The following EEPD1 variants were observed in gnomAD, a reference collection of about 807,000 sequenced individuals.
The protein encoded by EEPD1 is endonuclease/exonuclease/phosphatase family domain-containing protein 1.
In EEPD1, 17 loss-of-function variants were observed where a neutral mutation model predicts 46.3. The observed-to-expected ratio is 0.37, with a 90% CI of 0.25 to 0.55. The LOEUF (loss-of-function observed/expected upper bound fraction) is 0.55. EEPD1 is among the 20% of genes least tolerant of loss of function. The pLI is 0.83. For synonymous variants in EEPD1, 313 were observed against 315.6 expected, an observed-to-expected ratio of 0.99 and a Z score of 0.09; for missense variants, 673 against 745.6, an observed-to-expected ratio of 0.90 and a Z score of 1.13.
chr7:36,266,738 C>G (rs1382377785), intron 3 of EEPD1, among the ~76,000 whole-genome samples: 2 of 152,164 alleles, frequency 1.3e-5, no homozygotes, highest in Non-Finnish European at 2.9e-5. Context: ...CTCCCCCTTC[C>G]CCTCTTGCCC....
rs78049819 is a variant in EEPD1 at position 36,158,902 on chromosome 7, A to G, written c.878+3700A>G. ...AGCTGAAAGATAATCTCCAAAAGAA[A>G]TAAGAAGATTTAACATCCCACTTGC... On this transcript the variant is annotated intron_variant, in intron 2 of 7. Transcript: ENST00000242108. Among the ~76,000 whole-genome samples, 1,361 of 152,356 alleles carry G rather than the reference A, an allele frequency of 8.9e-3. 20 individuals are homozygous for G. The highest frequency in any genetic ancestry group is 0.031 in the African/African-American group (1,274 of 41,580).
At chr7:36,295,697 C>G (rs1431533421) in intron 6 of EEPD1, among the ~76,000 whole-genome samples, 1 of 152,180 alleles carries the variant, frequency 6.6e-6, no homozygotes, top group East Asian at 1.9e-4. Flanking sequence ...AGAGCCTTAA[C>G]AATGGCCATA....
chr7:36,162,373 C>T (rs1422247530), intron 2 of EEPD1, among the ~76,000 whole-genome samples: 1 of 152,194 alleles, frequency 6.6e-6, no homozygotes, highest in Non-Finnish European at 1.5e-5. Flanking sequence ...TGGCTGGGCA[C>T]GGTGGCTCAC....
At position 36,284,796 on chromosome 7, in the gene EEPD1, C is replaced by T. The variant is rs1787319018; in HGVS notation, c.1152C>T (p.Pro384=). The T allele has an allele frequency of 1.9e-6, 3 of 1,564,620 alleles. No individual in the cohort carries two copies. Among genetic ancestry groups the T allele is most frequent in the Non-Finnish European group, 2.6e-6 (3 of 1,154,184 alleles). ...PSNGHGKLAG[P]SPYLGRFKVG... Reference sequence around the variant, plus strand: ...ACGGGCACGGGAAGCTGGCGGGCCCCAGCCCATACCTCGGGAGGTTCAAGG... The same window carrying T: ...ACGGGCACGGGAAGCTGGCGGGCCCTAGCCCATACCTCGGGAGGTTCAAGG... The change falls in exon 5 of 8, where the codon CCC becomes CCT. Residue 384 remains proline (P), a synonymous_variant. Transcript: ENST00000242108.
chr7:36,160,529 C>CG (rs1201445386), intron 2 of EEPD1, among the ~76,000 whole-genome samples: 2 of 125,862 alleles, frequency 1.6e-5, no homozygotes, highest in Non-Finnish European at 3.4e-5. Context: ...TCTAGAGTGG[C>CG]GGGTGGGTGG....
chr7:36,155,029 AG>A lies in EEPD1; in HGVS notation c.711del (p.Thr239ProfsTer23). 2.5e-6 allele frequency: 4 copies of A among 1,604,546 alleles called. No homozygotes were observed. The highest frequency in any genetic ancestry group is 2.6e-6 in the Non-Finnish European group (3 of 1,173,740). On this transcript the variant is annotated frameshift_variant, in exon 2 of 8. Coordinates refer to ENST00000242108, the MANE Select transcript of EEPD1 (RefSeq NM_030636.3). LOFTEE classifies it high-confidence loss of function. ...LQSEDLDLPP[G>X]GPTQIISTRP... is the part of the protein sequence containing the mutation. ...AGAGTGAGGACCTGGACCTGCCGCC[AG>A]GGGGGCCCACCCAGATTATCTCCAC...
At chr7:36,224,086 T>G (rs1205829193) in intron 2 of EEPD1, among the ~76,000 whole-genome samples, 1 of 152,252 alleles carries the variant, frequency 6.6e-6, no homozygotes, top group African/African-American at 2.4e-5. Flanking sequence ...TAATGGACTT[T>G]CCTGTGGAGC....
At chr7:36,266,806 T>C (rs1295328520) in intron 3 of EEPD1, among the ~76,000 whole-genome samples, 1 of 152,226 alleles carries the variant, frequency 6.6e-6, no homozygotes, top group African/African-American at 2.4e-5. Context: ...CTACTCTGGA[T>C]GTCTTGTGCA....
At chr7:36,196,587 T>A (rs1295126092) in intron 2 of EEPD1, among the ~76,000 whole-genome samples, 1 of 152,226 alleles carries the variant, frequency 6.6e-6, no homozygotes, top group East Asian at 1.9e-4. Context: ...GGTTTTCCTG[T>A]TTCTTTGGTG....
intron 2 of EEPD1, among the ~76,000 whole-genome samples, chr7:36,205,913 C>A (rs190320012): frequency 6.6e-6 from 1 of 152,224 alleles, no homozygotes; most frequent in East Asian, 1.9e-4. Context: ...GGGGCACTGA[C>A]CTAAATAAGG....
chr7:36,275,990 T>G (rs1015587383), intron 3 of EEPD1, among the ~76,000 whole-genome samples: 5 of 152,224 alleles, frequency 3.3e-5, no homozygotes, highest in African/African-American at 1.2e-4. Context: ...CTTTTAGGAC[T>G]TGGCATTTCT....
chr7:36,195,558 C>T (rs1290095565), intron 2 of EEPD1, among the ~76,000 whole-genome samples: 2 of 152,182 alleles, frequency 1.3e-5, no homozygotes, highest in East Asian at 3.9e-4. Context: ...CTTATAGAAG[C>T]AGAGAGTAGA....
At chr7:36,289,714 T>C (rs1424737566) in intron 6 of EEPD1, among the ~76,000 whole-genome samples, 1 of 152,212 alleles carries the variant, frequency 6.6e-6, no homozygotes, top group Non-Finnish European at 1.5e-5. Flanking sequence ...CAGGATGGTC[T>C]CAATCTCCTG....
chr7:36,186,046 T>G (rs1785355717), intron 2 of EEPD1, among the ~76,000 whole-genome samples: 1 of 152,234 alleles, frequency 6.6e-6, no homozygotes, highest in African/African-American at 2.4e-5. Flanking sequence ...TTATATTTCT[T>G]TCACGTGGTA....
chr7:36,287,467 G>A, intron 5 of EEPD1, 172 bp from the exon 6 acceptor site: 1 of 1,005,498 alleles, frequency 9.9e-7, no homozygotes, highest in Non-Finnish European at 1.4e-6. Flanking sequence ...CAGGTGCCTT[G>A]GAAAAATCGA....
At chr7:36,157,207 T>G (rs1186996382) in intron 2 of EEPD1, among the ~76,000 whole-genome samples, 3 of 152,242 alleles carry the variant, frequency 2.0e-5, no homozygotes, top group Admixed American at 6.5e-5. Context: ...CAGGGGCTCC[T>G]GGAATCAATC....
At chr7:36,297,531 A>G (rs1787547507) in intron 7 of EEPD1, among the ~76,000 whole-genome samples, 1 of 152,238 alleles carries the variant, frequency 6.6e-6, no homozygotes, top group African/African-American at 2.4e-5. Context: ...GACCTACAGC[A>G]AGCAGATGTG....
chr7:36,193,102 G>A lies in EEPD1; in HGVS notation c.878+37900G>A, dbSNP rs185132576. ...TGCACTGAAGAACCCCCAGCCCAGT[G>A]GGGGAGGCAAGCCGGGCACAGAGCA... On this transcript the variant is annotated intron_variant, in intron 2 of 7. Coordinates refer to ENST00000242108, the MANE Select transcript of EEPD1 (RefSeq NM_030636.3). The surrounding 1 kb of genome is among the most constrained non-coding windows in gnomAD (Gnocchi z 4.9). Among the ~76,000 whole-genome samples the A allele has an allele frequency of 2.0e-5, 3 of 152,200 alleles. No individual in the cohort carries two copies. The highest frequency in any genetic ancestry group is 4.1e-4 in the South Asian group (2 of 4,826).
rs376219539 is a variant in EEPD1, at chr7:36,234,064, C to G, written c.879-4921C>G. Among the ~76,000 whole-genome samples the G allele has an allele frequency of 8.5e-4, 129 of 152,202 alleles. 1 individual carries two copies. In the South Asian group the frequency reaches 0.015, roughly 18 times the overall value. On this transcript the variant is annotated intron_variant, in intron 2 of 7. Coordinates refer to ENST00000242108, the MANE Select transcript of EEPD1 (RefSeq NM_030636.3). ...TCCTGAGTAGCTGGGATTACAGGCG[C>G]CCGCCACCATGCCTGGGCTAATTTT...
Sources: allele counts gnomAD v4.1 joint callset (sites outside exome capture counted in the v4.1 genomes callset), GRCh38; gene constraint gnomAD v4.1.1; non-coding constraint Gnocchi (gnomAD v3.1); transcripts MANE v1.5; gene names NCBI Gene and HGNC (gene_info 2026-07-23, HGNC 2026-07-21).